The following SSBP2 variants were observed in gnomAD, a reference collection of about 807,000 sequenced individuals.
SSBP2 encodes single stranded DNA binding protein 2, also known as single-stranded DNA-binding protein 2.
In SSBP2, 17 loss-of-function variants were observed where a neutral mutation model predicts 61.8. The ratio of observed to expected loss-of-function variants is 0.28; its 90% CI spans 0.19 to 0.41. The LOEUF is 0.41. Ranked by LOEUF, SSBP2 falls within the 10% of genes least tolerant of loss-of-function variation. The pLI, the probability that SSBP2 is intolerant of heterozygous loss-of-function variation, is 1.00. For missense variants in SSBP2, 310 were observed against 458.7 expected (o/e 0.68, Z 2.96); for synonymous variants, 139 against 141.3 (o/e 0.98, Z 0.12).
intron 5 of SSBP2, among the ~76,000 whole-genome samples, chr5:81,500,816 G>C (rs1433673342): frequency 2.0e-5 from 3 of 151,970 alleles, no homozygotes; most frequent in Non-Finnish European, 2.9e-5. Flanking sequence ...AGTCTGTTTT[G>C]AAACTAGAGC....
At chr5:81,730,828 G>T (rs1159697107) in intron 1 of SSBP2, among the ~76,000 whole-genome samples, 1 of 152,200 alleles carries the variant, frequency 6.6e-6, no homozygotes, top group African/African-American at 2.4e-5. Context: ...CATATTGGAT[G>T]AGAGATGAGC....
chr5:81,524,107 T>C (rs990220991), intron 4 of SSBP2, among the ~76,000 whole-genome samples: 2 of 152,028 alleles, frequency 1.3e-5, no homozygotes, highest in Admixed American at 6.6e-5. Flanking sequence ...TGGATAATTA[T>C]AGTCATCCCT....
Position 81,416,211 on chromosome 5 carries a change from C to A in SSBP2, c.*4293G>T. The A allele has an allele frequency of 1.4e-5, 2 of 144,596 alleles. No individual in the cohort carries two copies. Among genetic ancestry groups the A allele is most frequent in the African/African-American group, 5.2e-5 (2 of 38,642 alleles). 9.0% of individuals were successfully genotyped at this position (144,596 alleles called of 1,614,324 possible). The stretch of plus-strand genomic sequence containing the variant: ...AGCCTGGGTGACAGAGCAAGACTGT[C>A]TCAAAAAAAAAAAAGAAAAAAAAAT... On this transcript the variant is annotated 3_prime_UTR_variant, in exon 17 of 17. Transcript: ENST00000320672.
intron 1 of SSBP2, among the ~76,000 whole-genome samples, chr5:81,653,098 C>G (rs530924670): frequency 1.3e-5 from 2 of 152,162 alleles, no homozygotes; most frequent in South Asian, 4.2e-4. Context: ...CCCTCCCTTA[C>G]CCCCTCACCC....
At chr5:81,501,474 TTACTC>T (rs1767760238) in intron 5 of SSBP2, among the ~76,000 whole-genome samples, 1 of 149,842 alleles carries the variant, frequency 6.7e-6, no homozygotes, top group Non-Finnish European at 1.5e-5. Context: ...TAATTATACT[TTACTC>T]TTTTTTGATA....
intron 1 of SSBP2, among the ~76,000 whole-genome samples, chr5:81,747,354 G>A (rs116754553): frequency 1.6e-3 from 249 of 151,988 alleles, no homozygotes; most frequent in African/African-American, 5.7e-3. Flanking sequence ...TGTATCCCTC[G>A]GTGAGTTCTT....
chr5:81,590,732 TC>T (rs1775435302), intron 4 of SSBP2, among the ~76,000 whole-genome samples: 1 of 152,020 alleles, frequency 6.6e-6, no homozygotes, highest in Non-Finnish European at 1.5e-5. Context: ...CTCTGTTGGG[TC>T]CCCTCTCCCC....
At chr5:81,522,006 T>C (rs1456007529) in intron 4 of SSBP2, among the ~76,000 whole-genome samples, 1 of 152,052 alleles carries the variant, frequency 6.6e-6, no homozygotes, top group African/African-American at 2.4e-5. Context: ...ATAAAAATAT[T>C]AATAAATTTG....
chr5:81,596,762 G>A (rs1743788452), intron 4 of SSBP2, among the ~76,000 whole-genome samples: 1 of 116,226 alleles, frequency 8.6e-6, no homozygotes. Context: ...TTAATAAATG[G>A]TGCTGGGAAA....
intron 4 of SSBP2, among the ~76,000 whole-genome samples, chr5:81,530,907 G>T (rs1400132368): frequency 6.6e-6 from 1 of 152,056 alleles, no homozygotes; most frequent in Non-Finnish European, 1.5e-5. Context: ...AAGCAAACAA[G>T]TTTAGAAGTC....
At chr5:81,659,713 T>C (rs923662267) in intron 1 of SSBP2, among the ~76,000 whole-genome samples, 2 of 152,022 alleles carry the variant, frequency 1.3e-5, no homozygotes, top group Admixed American at 1.3e-4. Context: ...ACCAAGACAA[T>C]CCTAAGCAAA....
intron 6 of SSBP2, among the ~76,000 whole-genome samples, chr5:81,487,029 G>A (rs768819946): frequency 6.6e-5 from 10 of 152,184 alleles, no homozygotes; most frequent in Non-Finnish European, 1.3e-4. Flanking sequence ...TTCTGCTGCC[G>A]TCAAGTAAAT....
intron 1 of SSBP2, among the ~76,000 whole-genome samples, chr5:81,668,360 C>T (rs1015352519): frequency 3.3e-5 from 5 of 150,228 alleles, no homozygotes; most frequent in South Asian, 2.1e-4. Context: ...CATTCAAATA[C>T]GAATAGCCAA....
chr5:81,648,486 T>C (rs2093723799), intron 2 of SSBP2, among the ~76,000 whole-genome samples: 1 of 152,090 alleles, frequency 6.6e-6, no homozygotes, highest in South Asian at 2.1e-4. Flanking sequence ...GAGGGTTGTG[T>C]GCGTTTGTTT....
chr5:81,598,472 A>C (rs1172911579), intron 4 of SSBP2, among the ~76,000 whole-genome samples: 3 of 152,216 alleles, frequency 2.0e-5, no homozygotes, highest in Non-Finnish European at 4.4e-5. Flanking sequence ...TCTGGACCAA[A>C]GAACCCATAA....
At chr5:81,598,894 T>C (rs962667415) in intron 4 of SSBP2, among the ~76,000 whole-genome samples, 6 of 152,174 alleles carry the variant, frequency 3.9e-5, no homozygotes, top group Non-Finnish European at 7.3e-5. Context: ...CCAGATATGC[T>C]TCCCTCTGGG....
intron 10 of SSBP2, among the ~76,000 whole-genome samples, chr5:81,454,931 A>G (rs1407331001): frequency 4.6e-5 from 7 of 152,096 alleles, no homozygotes; most frequent in Non-Finnish European, 1.5e-5. Flanking sequence ...GCCAAACATA[A>G]TGTAGGTGCA....
rs139886689 is a variant in SSBP2, at chr5:81,610,918, C to T, written c.282+4555G>A. 6.8e-4 allele frequency among the ~76,000 whole-genome samples: 104 copies of T among 152,228 alleles called. 2 individuals are homozygous for T. In the South Asian group the frequency reaches 0.01, roughly 15 times the overall value. On this transcript the variant is annotated intron_variant, in intron 4 of 16. Transcript: ENST00000320672. ...CTAAGGCAGGAGAATCGGTTGAACC[C>T]GGGAGGCGGAGGTTGTGGTGAGCCA... is the stretch of plus-strand genomic sequence containing the variant.
At chr5:81,553,119 T>A (rs1772333331) in intron 4 of SSBP2, among the ~76,000 whole-genome samples, 1 of 151,870 alleles carries the variant, frequency 6.6e-6, no homozygotes, top group Non-Finnish European at 1.5e-5. Context: ...CTTGGGTGAG[T>A]CACTTAAGCT....
Sources: allele counts gnomAD v4.1 joint callset (sites outside exome capture counted in the v4.1 genomes callset), GRCh38; gene constraint gnomAD v4.1.1; transcripts MANE v1.5; gene names NCBI Gene and HGNC (gene_info 2026-07-23, HGNC 2026-07-21).